Variants in ASIC2 observed in about 807,000 individuals in gnomAD.
ASIC2 encodes the protein acid sensing ion channel subunit 2.
In ASIC2, 25 loss-of-function variants were observed where a neutral mutation model predicts 57.3. The observed-to-expected ratio is 0.44, with a 90% CI of 0.32 to 0.61. The LOEUF (loss-of-function observed/expected upper bound fraction) is 0.61. ASIC2 is among the 20% of genes least tolerant of loss of function. The pLI is 0.06. For missense variants in ASIC2, 641 were observed against 738.1 expected (o/e 0.87, Z 1.52); for synonymous variants, 319 against 307.5 (o/e 1.04, Z -0.39).
chr17:33,136,132 T>C (rs949906548), intron 1 of ASIC2, among the ~76,000 whole-genome samples: 1 of 152,226 alleles, frequency 6.6e-6, no homozygotes, highest in Non-Finnish European at 1.5e-5. Context: ...TGTGCACGTG[T>C]GTTTGCATAC....
chr17:33,380,860 C>G (rs112310454), intron 1 of ASIC2, among the ~76,000 whole-genome samples: 1 of 152,358 alleles, frequency 6.6e-6, no homozygotes, highest in Non-Finnish European at 1.5e-5. Context: ...GGTCCAGTCT[C>G]TCTGTGTGAA....
At chr17:33,837,197 G>A (rs1913299724) in intron 1 of ASIC2, among the ~76,000 whole-genome samples, 1 of 152,272 alleles carries the variant, frequency 6.6e-6, no homozygotes, top group African/African-American at 2.4e-5. Flanking sequence ...TCCCAAGGTG[G>A]TATCAAGGGC....
chr17:33,775,881 C>T (rs1205593568), intron 1 of ASIC2, among the ~76,000 whole-genome samples: 1 of 152,066 alleles, frequency 6.6e-6, no homozygotes, highest in African/African-American at 2.4e-5. Flanking sequence ...ACCTGTAATC[C>T]CAGCACTTTG....
chr17:33,550,903 G>A (rs1915732260), intron 1 of ASIC2, among the ~76,000 whole-genome samples: 1 of 152,158 alleles, frequency 6.6e-6, no homozygotes, highest in Admixed American at 6.5e-5. Flanking sequence ...AACAGCTTTT[G>A]TGTGACTGAC....
chr17:33,894,364 T>C (rs540200229), intron 1 of ASIC2, among the ~76,000 whole-genome samples: 2 of 105,338 alleles, frequency 1.9e-5, no homozygotes, highest in African/African-American at 3.9e-5. Context: ...TGTGTGTGTG[T>C]GTGTGTGTGT....
At chr17:33,022,007 C>G (rs979560270) in intron 6 of ASIC2, among the ~76,000 whole-genome samples, 1 of 152,168 alleles carries the variant, frequency 6.6e-6, no homozygotes, top group Non-Finnish European at 1.5e-5. Flanking sequence ...TCCAATGTGC[C>G]CACAATTCCT....
intron 1 of ASIC2, among the ~76,000 whole-genome samples, chr17:33,642,130 A>AGGCCCAT (rs1906585737): frequency 6.6e-6 from 1 of 151,960 alleles, no homozygotes; most frequent in South Asian, 2.1e-4. Flanking sequence ...GACATAAGCC[A>AGGCCCAT]GGCCCATGGC....
intron 1 of ASIC2, among the ~76,000 whole-genome samples, chr17:33,555,703 G>C (rs1299278013): frequency 1.3e-5 from 2 of 152,146 alleles, no homozygotes; most frequent in African/African-American, 4.8e-5. Flanking sequence ...TGGACCTCAG[G>C]TGTGAAGATC....
chr17:33,497,576 G>A lies in ASIC2; in HGVS notation c.556-385509C>T, dbSNP rs923909857. Among the ~76,000 whole-genome samples the A allele has an allele frequency of 9.8e-5, 15 of 152,316 alleles. No individual in the cohort carries two copies. The East Asian group carries it at 2.5e-3, about 25-fold the overall frequency. ...AGTGGAAAGAATGCAGAGAAGTCTA[G>A]TTCTTATCTAAAATAATCCCTGCTT... is the stretch of plus-strand genomic sequence containing the variant. On this transcript the variant is annotated intron_variant, in intron 1 of 9. Coordinates refer to the ASIC2 transcript ENST00000359872.
chr17:33,351,895 T>C (rs1908198223), intron 1 of ASIC2, among the ~76,000 whole-genome samples: 1 of 152,148 alleles, frequency 6.6e-6, no homozygotes, highest in Admixed American at 6.5e-5. Context: ...CTCTTGGTTC[T>C]GGCCCTGCCA....
intron 1 of ASIC2, among the ~76,000 whole-genome samples, chr17:33,784,966 T>C (rs1038606078): frequency 2.0e-5 from 3 of 152,320 alleles, no homozygotes; most frequent in African/African-American, 4.8e-5. Flanking sequence ...CTACATATAT[T>C]GTGTCTGATT....
intron 1 of ASIC2, among the ~76,000 whole-genome samples, chr17:33,515,149 G>A (rs904857981): frequency 6.6e-6 from 1 of 152,258 alleles, no homozygotes; most frequent in Non-Finnish European, 1.5e-5. Context: ...GGCAAGGAGG[G>A]AAGTGCACAG....
At chr17:33,409,476 T>C (rs763677018) in intron 1 of ASIC2, among the ~76,000 whole-genome samples, 8 of 152,280 alleles carry the variant, frequency 5.3e-5, no homozygotes, top group Admixed American at 1.3e-4. Flanking sequence ...CTAACACTAA[T>C]GTTAGGAGTT....
At chr17:33,159,109 C>G (rs1412809430) in intron 1 of ASIC2, among the ~76,000 whole-genome samples, 1 of 152,102 alleles carries the variant, frequency 6.6e-6, no homozygotes, top group African/African-American at 2.4e-5. Flanking sequence ...CAGCTGCCAC[C>G]TTTCTTGCTT....
chr17:33,598,550 G>A (rs1905042615), intron 1 of ASIC2, among the ~76,000 whole-genome samples: 1 of 152,126 alleles, frequency 6.6e-6, no homozygotes, highest in South Asian at 2.1e-4. Flanking sequence ...AAAATGTCAG[G>A]GCTGGTATCA....
At chr17:33,981,796 A>G (rs1345360823) in intron 1 of ASIC2, among the ~76,000 whole-genome samples, 1 of 152,208 alleles carries the variant, frequency 6.6e-6, no homozygotes, top group East Asian at 1.9e-4. Flanking sequence ...CAATTTTATG[A>G]CATATGTATT....
chr17:33,593,403 C>T (rs1274184031), intron 1 of ASIC2, among the ~76,000 whole-genome samples: 1 of 152,006 alleles, frequency 6.6e-6, no homozygotes, highest in Non-Finnish European at 1.5e-5. Context: ...TCTTCAAGGG[C>T]TCGCCCATCA....
intron 1 of ASIC2, among the ~76,000 whole-genome samples, chr17:33,170,799 A>G (rs1250517984): frequency 6.6e-6 from 1 of 152,204 alleles, no homozygotes; most frequent in Non-Finnish European, 1.5e-5. Context: ...ACAACATTCT[A>G]CAATATTCCC....
At chr17:33,523,642 C>T (rs972348045) in intron 1 of ASIC2, among the ~76,000 whole-genome samples, 1 of 152,224 alleles carries the variant, frequency 6.6e-6, no homozygotes, top group Non-Finnish European at 1.5e-5. Context: ...GGCTTGGCTT[C>T]TGGCAGGTTC....
Sources: allele counts gnomAD v4.1 joint callset (sites outside exome capture counted in the v4.1 genomes callset), GRCh38; gene constraint gnomAD v4.1.1; transcripts MANE v1.5; gene names NCBI Gene and HGNC (gene_info 2026-07-23, HGNC 2026-07-21).